Variants in PCDH9 observed in about 807,000 individuals in gnomAD.
PCDH9 encodes the protein protocadherin 9.
PCDH9 carries 24 observed loss-of-function variants against 70.6 expected under a neutral mutation model. That is an observed-to-expected ratio of 0.34 (90% CI 0.25 to 0.48). PCDH9 has a LOEUF of 0.48. Among genes scored for constraint, PCDH9 ranks in the 20% least tolerant of loss-of-function variants. PCDH9 has a pLI of 0.99. For missense variants in PCDH9, 1,281 were observed against 1,503.6 expected, an observed-to-expected ratio of 0.85 and a Z score of 2.45; for synonymous variants, 562 against 558.5, an observed-to-expected ratio of 1.01 and a Z score of -0.09.
intron 4 of PCDH9, among the ~76,000 whole-genome samples, chr13:66,461,570 C>T (rs1958426316): frequency 6.6e-6 from 1 of 150,824 alleles, no homozygotes; most frequent in African/African-American, 2.4e-5. Flanking sequence ...GAAAATCATG[C>T]CTCACGTAGA....
rs746405357 is a variant in PCDH9, at chr13:66,320,808, C to T, written c.3341-15780G>A. Among the ~76,000 whole-genome samples the T allele has an allele frequency of 1.9e-4, 29 of 151,756 alleles. 1 individual carries two copies. Among genetic ancestry groups the T allele is most frequent in the African/African-American group, 6.5e-4 (27 of 41,236 alleles). ...ATTAGGTGGGTCTTAATTATAGTTCCGAAGCCTCATTGATTAAAATGTGAC... is the reference window on the plus strand; with the variant it reads ...ATTAGGTGGGTCTTAATTATAGTTCTGAAGCCTCATTGATTAAAATGTGAC... On this transcript the variant is annotated intron_variant, in intron 4 of 4. Coordinates refer to ENST00000377865, the MANE Select transcript of PCDH9 (RefSeq NM_203487.3).
chr13:66,635,884 T>C (rs1410686079), intron 3 of PCDH9, among the ~76,000 whole-genome samples: 6 of 152,246 alleles, frequency 3.9e-5, no homozygotes, highest in African/African-American at 4.8e-5. Context: ...AACAGTAAAA[T>C]GTCTAATAGA....
intron 3 of PCDH9, among the ~76,000 whole-genome samples, chr13:66,701,198 T>G (rs919629553): frequency 2.0e-5 from 3 of 151,636 alleles, no homozygotes; most frequent in African/African-American, 7.3e-5. Context: ...CTGGATTGAA[T>G]AGTCTTGGAT....
intron 2 of PCDH9, among the ~76,000 whole-genome samples, chr13:66,935,803 G>A (rs775885823): frequency 1.3e-5 from 2 of 151,960 alleles, no homozygotes; most frequent in African/African-American, 2.4e-5. Context: ...TTTTGCAGCC[G>A]GGCACCATGG....
At chr13:67,018,189 G>C (rs1220441050) in intron 2 of PCDH9, among the ~76,000 whole-genome samples, 3 of 152,112 alleles carry the variant, frequency 2.0e-5, no homozygotes, top group African/African-American at 4.8e-5. Context: ...TTATACTGGA[G>C]ATATGAAAAG....
intron 3 of PCDH9, among the ~76,000 whole-genome samples, chr13:66,895,370 G>A (rs999054306): frequency 1.3e-5 from 2 of 152,088 alleles, no homozygotes; most frequent in African/African-American, 4.8e-5. Flanking sequence ...TTTCTAAAAA[G>A]GAATAGTAAC....
intron 2 of PCDH9, among the ~76,000 whole-genome samples, chr13:67,015,734 C>T (rs916653640): frequency 1.3e-5 from 2 of 152,152 alleles, no homozygotes; most frequent in African/African-American, 4.8e-5. Flanking sequence ...ATGTTAGTCC[C>T]AACTTCAGTT....
intron 2 of PCDH9, among the ~76,000 whole-genome samples, chr13:66,994,443 G>A (rs1469035108): frequency 2.0e-5 from 3 of 152,182 alleles, no homozygotes; most frequent in Non-Finnish European, 4.4e-5. Context: ...TATGCAGAGC[G>A]CTGAGACTAG....
At chr13:66,606,515 T>G (rs546707802) in intron 4 of PCDH9, among the ~76,000 whole-genome samples, 141 of 152,254 alleles carry the variant, frequency 9.3e-4, no homozygotes, top group African/African-American at 3.2e-3. Flanking sequence ...ATAGGTCTTA[T>G]TTTTTGTCTC....
At chr13:67,216,167 A>G (rs1463834582) in intron 2 of PCDH9, 1 of 151,984 alleles carries the variant, frequency 6.6e-6, no homozygotes, top group African/African-American at 2.4e-5. Flanking sequence ...CCTTAGCTAA[A>G]GCAGAATTTA....
At chr13:66,997,628 G>A (rs1257024993) in intron 2 of PCDH9, among the ~76,000 whole-genome samples, 2 of 152,114 alleles carry the variant, frequency 1.3e-5, no homozygotes, top group Admixed American at 6.5e-5. Context: ...TCCGCCTCCC[G>A]GCTTCAAGCC....
intron 3 of PCDH9, among the ~76,000 whole-genome samples, chr13:66,793,494 CACTT>C (rs1377834084): frequency 6.6e-6 from 1 of 152,108 alleles, no homozygotes; most frequent in African/African-American, 2.4e-5. Context: ...TGGTACCACT[CACTT>C]ACATTACCAC....
intron 4 of PCDH9, among the ~76,000 whole-genome samples, chr13:66,442,866 A>G (rs1373553274): frequency 6.6e-6 from 1 of 152,204 alleles, no homozygotes; most frequent in African/African-American, 2.4e-5. Context: ...AATACTTATT[A>G]AACACCTAAT....
chr13:66,827,670 T>C (rs1196249314), intron 3 of PCDH9, among the ~76,000 whole-genome samples: 1 of 152,196 alleles, frequency 6.6e-6, no homozygotes, highest in Non-Finnish European at 1.5e-5. Flanking sequence ...TTTTGCATCA[T>C]TCATGAGAGA....
At chr13:66,312,275 A>G (rs1268294807) in intron 4 of PCDH9, among the ~76,000 whole-genome samples, 1 of 152,190 alleles carries the variant, frequency 6.6e-6, no homozygotes, top group Non-Finnish European at 1.5e-5. Context: ...ATACAACATG[A>G]GAATCAAACT....
At chr13:67,103,644 A>G (rs980237561) in intron 2 of PCDH9, among the ~76,000 whole-genome samples, 1 of 152,126 alleles carries the variant, frequency 6.6e-6, no homozygotes, top group South Asian at 2.1e-4. Context: ...ATAAACCTAT[A>G]CTACTTTTAC....
intron 4 of PCDH9, chr13:66,306,152 A>G (rs1365978704): frequency 6.6e-6 from 1 of 152,064 alleles, no homozygotes; most frequent in Admixed American, 6.6e-5. Context: ...ATCAGAAAAA[A>G]AATGCAGAAA....
At chr13:66,573,004 C>T (rs1034105570) in intron 4 of PCDH9, among the ~76,000 whole-genome samples, 1 of 151,952 alleles carries the variant, frequency 6.6e-6, no homozygotes, top group Non-Finnish European at 1.5e-5. Flanking sequence ...TGTGAGAAAC[C>T]CCAATACTGT....
intron 3 of PCDH9, among the ~76,000 whole-genome samples, chr13:66,682,514 T>C (rs1411636612): frequency 6.6e-6 from 1 of 152,088 alleles, no homozygotes; most frequent in Non-Finnish European, 1.5e-5. Flanking sequence ...CTGTCCTGTT[T>C]CCAGCTCAGT....
Sources: allele counts gnomAD v4.1 joint callset (sites outside exome capture counted in the v4.1 genomes callset), GRCh38; gene constraint gnomAD v4.1.1; transcripts MANE v1.5; gene names NCBI Gene and HGNC (gene_info 2026-07-23, HGNC 2026-07-21).